The following RPH3AL variants were observed in gnomAD, a reference collection of about 807,000 sequenced individuals.
RPH3AL encodes the protein rabphilin 3A like (without C2 domains), also known as rab effector Noc2.
Under a neutral mutation model 43.1 loss-of-function variants are expected in RPH3AL, and 38 were observed. That is an observed-to-expected ratio of 0.88 (90% CI 0.68 to 1.15). The LOEUF is 1.15. RPH3AL is among the 50% of genes most tolerant of loss of function. The pLI, the probability that RPH3AL is intolerant of heterozygous loss-of-function variation, is 0.00. For missense variants in RPH3AL, 462 were observed against 423.2 expected (o/e 1.09, Z -0.81); for synonymous variants, 189 against 176.3 (o/e 1.07, Z -0.57).
intron 3 of RPH3AL, 187 bp from the exon 4 acceptor site, chr17:321,602 A>ATGG (rs1211766199): frequency 8.1e-5 from 40 of 495,764 alleles, no homozygotes; most frequent in South Asian, 1.6e-4. Context: ...GGCAACAGAG[A>ATGG]CGGCCCAGGT....
chr17:232,797 C>A (rs2041257555), intron 7 of RPH3AL, among the ~76,000 whole-genome samples: 1 of 151,380 alleles, frequency 6.6e-6, no homozygotes. Flanking sequence ...AGACAACTCC[C>A]CCCTTCCTTG....
At chr17:280,857 C>A (rs1349609694) in intron 6 of RPH3AL, among the ~76,000 whole-genome samples, 1 of 152,120 alleles carries the variant, frequency 6.6e-6, no homozygotes, top group Non-Finnish European at 1.5e-5. Flanking sequence ...GGCAGAGGAG[C>A]AATATTCAAA....
At chr17:224,357 G>T (rs1036291595) in intron 7 of RPH3AL, among the ~76,000 whole-genome samples, 1 of 152,210 alleles carries the variant, frequency 6.6e-6, no homozygotes, top group Non-Finnish European at 1.5e-5. Context: ...CCAGCCTCCT[G>T]CGGCTTGTGG....
intron 7 of RPH3AL, among the ~76,000 whole-genome samples, chr17:228,440 G>A (rs184003437): frequency 7.9e-5 from 12 of 152,226 alleles, no homozygotes; most frequent in South Asian, 4.1e-4. Context: ...GGAGTAACGC[G>A]TTCGGCATCT....
At chr17:224,877 C>T (rs1196999778) in intron 7 of RPH3AL, among the ~76,000 whole-genome samples, 2 of 148,802 alleles carry the variant, frequency 1.3e-5, no homozygotes, top group Admixed American at 1.4e-4. Flanking sequence ...AAAAACCAAA[C>T]AGTGCATGTT....
chr17:333,340 C>A lies in RPH3AL; in HGVS notation c.-37+419G>T. ...CTAAAGAGAAAACACCTTAAATTCT[C>A]ACATCAGCCACCCCCATGGCGACTC... is the stretch of plus-strand genomic sequence containing the variant. On this transcript the variant is annotated intron_variant, in intron 2 of 9. Coordinates refer to ENST00000331302, the MANE Select transcript of RPH3AL (RefSeq NM_006987.4). The surrounding 1 kb of genome is among the most constrained non-coding windows in gnomAD (Gnocchi z 4.5). The A allele has an allele frequency of 1.6e-6, 2 of 1,254,382 alleles. No individual in the cohort carries two copies. The highest frequency in any genetic ancestry group is 2.1e-6 in the Non-Finnish European group (2 of 959,488). The allele number at this position is 1,254,382 out of a possible 1,614,324, so 77.7% of individuals were successfully genotyped here.
intron 5 of RPH3AL, among the ~76,000 whole-genome samples, chr17:307,396 C>T (rs1428455251): frequency 2.8e-5 from 4 of 141,332 alleles, no homozygotes; most frequent in South Asian, 4.7e-4. Flanking sequence ...GTCCATCCCG[C>T]GGCAGGTCCT....
intron 7 of RPH3AL, 29 bp from the exon 8 acceptor site, chr17:219,765 G>A: frequency 6.4e-7 from 1 of 1,557,724 alleles, no homozygotes; most frequent in Middle Eastern, 1.7e-4. Context: ...AGCACAGGAG[G>A]TCACCCGACC....
At chr17:343,969 C>T (rs2045184408) in intron 1 of RPH3AL, among the ~76,000 whole-genome samples, 1 of 74,558 alleles carries the variant, frequency 1.3e-5, no homozygotes, top group African/African-American at 3.4e-5. Context: ...CACCATCAGT[C>T]ATCATCATTA....
chr17:315,000 T>G (rs1317515516), intron 5 of RPH3AL, among the ~76,000 whole-genome samples: 3 of 145,900 alleles, frequency 2.1e-5, no homozygotes, highest in Non-Finnish European at 3.0e-5. Flanking sequence ...TCCATTGACC[T>G]GTAGTCTCTG....
intron 5 of RPH3AL, among the ~76,000 whole-genome samples, chr17:316,941 C>T (rs1271442994): frequency 6.6e-6 from 1 of 151,074 alleles, no homozygotes; most frequent in African/African-American, 2.4e-5. Flanking sequence ...GCTCCACCTC[C>T]ATTGACCTGT....
chr17:258,035 C>T (rs150310461), intron 6 of RPH3AL, among the ~76,000 whole-genome samples: 14 of 151,994 alleles, frequency 9.2e-5, no homozygotes, highest in African/African-American at 3.4e-4. Flanking sequence ...TTATTTCCCT[C>T]AGCATCACTT....
rs139224786 is a variant in RPH3AL at position 285,075 on chromosome 17, C to T, written c.352-3221G>A. Among the ~76,000 whole-genome samples, 96 of 152,298 alleles carry T rather than the reference C, an allele frequency of 6.3e-4. 2 individuals are homozygous for T. The East Asian group carries it at 0.015, about 25-fold the overall frequency. On this transcript the variant is annotated intron_variant, in intron 5 of 9. Transcript: ENST00000331302. Reference sequence around the variant, plus strand: ...CGTAGGTATTTTGGGGTGATATAAACATTCAGTCCACAGCAGCGCCCGACC... The same window carrying T: ...CGTAGGTATTTTGGGGTGATATAAATATTCAGTCCACAGCAGCGCCCGACC...
Position 232,829 on chromosome 17 carries a change from C to CGTGTGTGTGTGT in RPH3AL, c.614-13105_614-13094dup, listed in dbSNP as rs71143481. Among the ~76,000 whole-genome samples the CGTGTGTGTGTGT allele has an allele frequency of 1.4e-3, 168 of 119,512 alleles. 5 individuals are homozygous for CGTGTGTGTGTGT. Among genetic ancestry groups the CGTGTGTGTGTGT allele is most frequent in the African/African-American group, 2.0e-3 (62 of 30,508 alleles). 78.4% of individuals were successfully genotyped at this position (119,512 alleles called of 152,430 possible). A position where few individuals can be genotyped will look rare whatever the true frequency, so the allele number is the denominator to read the frequency against. Reference sequence around the variant, plus strand: ...CTTGTCTCTAAACAGTCCTTTCCGGCGTGTGTGTGTGTGTGTGTGTGTGTG... The same window carrying CGTGTGTGTGTGT: ...CTTGTCTCTAAACAGTCCTTTCCGGCGTGTGTGTGTGTGTGTGTGTGTGTGTGTGTGTGTGTG... On this transcript the variant is annotated intron_variant, in intron 7 of 9. Coordinates refer to ENST00000331302, the MANE Select transcript of RPH3AL (RefSeq NM_006987.4).
intron 5 of RPH3AL, among the ~76,000 whole-genome samples, chr17:313,624 C>A (rs1256170796): frequency 6.6e-6 from 1 of 152,156 alleles, no homozygotes; most frequent in Non-Finnish European, 1.5e-5. Flanking sequence ...ACAGAGTCCT[C>A]GGTGTACCTA....
intron 7 of RPH3AL, among the ~76,000 whole-genome samples, chr17:233,365 C>T (rs1193125668): frequency 6.6e-6 from 1 of 152,192 alleles, no homozygotes; most frequent in African/African-American, 2.4e-5. Flanking sequence ...GGGAAACCAA[C>T]ACCTAGAGAG....
intron 3 of RPH3AL, 95 bp from the exon 4 acceptor site, chr17:321,510 G>A: frequency 7.3e-7 from 1 of 1,367,928 alleles, no homozygotes; most frequent in Non-Finnish European, 9.6e-7. Context: ...AGAACAGTCA[G>A]TGGACGGCCC....
chr17:332,960 C>CGGTGATA (rs2044828519), intron 2 of RPH3AL: 1 of 1,221,248 alleles, frequency 8.2e-7, no homozygotes, highest in Non-Finnish European at 1.1e-6. Context: ...CAGGAGTTGC[C>CGGTGATA]GGTGATAATT....
At position 326,991 on chromosome 17, in the gene RPH3AL, G is replaced by A. The variant is rs561489510; in HGVS notation, c.77+476C>T. Among the ~76,000 whole-genome samples the A allele has an allele frequency of 1.2e-4, 18 of 152,320 alleles. No homozygotes were observed. The South Asian group carries it at 2.5e-3, about 21-fold the overall frequency. ...GCTTCAGCCTCAGGGGCAGCGCCTC[G>A]TCCACTGCAACAGACTTTTGTTCCC... On this transcript the variant is annotated intron_variant, in intron 3 of 9. Transcript: ENST00000331302.
Sources: allele counts gnomAD v4.1 joint callset (sites outside exome capture counted in the v4.1 genomes callset), GRCh38; gene constraint gnomAD v4.1.1; non-coding constraint Gnocchi (gnomAD v3.1); transcripts MANE v1.5; gene names NCBI Gene and HGNC (gene_info 2026-07-23, HGNC 2026-07-21).